The following ATRNL1 variants were observed in gnomAD, a reference collection of about 807,000 sequenced individuals.
ATRNL1 encodes attractin-like protein 1.
A neutral mutation model predicts 182.7 loss-of-function variants in ATRNL1; 95 were observed. The ratio of observed to expected loss-of-function variants is 0.52; its 90% confidence interval spans 0.44 to 0.62. The LOEUF (loss-of-function observed/expected upper bound fraction) is 0.62. Ranked by LOEUF, ATRNL1 falls within the 20% of genes least tolerant of loss-of-function variation. The probability of loss-of-function intolerance (pLI) is 0.00; values close to 1 mark genes in which losing one functional copy is unlikely to be tolerated. For synonymous variants in ATRNL1, 576 were observed against 568.3 expected, an observed-to-expected ratio of 1.01 and a Z score of -0.19; for missense variants, 1,471 against 1,679.5, an observed-to-expected ratio of 0.88 and a Z score of 2.17.
At chr10:115,385,284 A>G (rs1001370684) in intron 19 of ATRNL1, among the ~76,000 whole-genome samples, 21 of 152,056 alleles carry the variant, frequency 1.4e-4, no homozygotes, top group African/African-American at 4.8e-4. Flanking sequence ...ATTTACAATT[A>G]TATTTGTCTG....
chr10:115,579,836 G>A (rs1854959827), intron 26 of ATRNL1, among the ~76,000 whole-genome samples: 1 of 151,600 alleles, frequency 6.6e-6, no homozygotes, highest in Admixed American at 6.6e-5. Flanking sequence ...TTTATTGTTT[G>A]TATTGCTAGA....
In ATRNL1 at chr10:115,426,199, G is replaced by A. The variant is rs1443946220; in HGVS notation, c.3270-51G>A. 3.4e-6 allele frequency: 5 copies of A among 1,453,666 alleles called. No individual in the cohort carries two copies. The African/African-American group carries it at 7.0e-5, about 20-fold the overall frequency. The allele number at this position is 1,453,666 out of a possible 1,614,324, so 90.0% of individuals were successfully genotyped here. On this transcript the variant is annotated intron_variant, in intron 20 of 28. Coordinates refer to ENST00000355044, the MANE Select transcript of ATRNL1 (RefSeq NM_207303.4). ...CTTTTTTGCTTGAAGAAAAACATGA[G>A]GCTTTTGAATTGCATTGTTTAATAG...
chr10:115,676,030 A>G (rs1238585328), intron 26 of ATRNL1, among the ~76,000 whole-genome samples: 1 of 152,020 alleles, frequency 6.6e-6, no homozygotes, highest in Non-Finnish European at 1.5e-5. Flanking sequence ...TTTGCAAATC[A>G]ATCTATCTGG....
intron 26 of ATRNL1, among the ~76,000 whole-genome samples, chr10:115,612,736 C>G (rs36114529): frequency 6.6e-6 from 1 of 152,072 alleles, no homozygotes; most frequent in Non-Finnish European, 1.5e-5. Context: ...AAGAGACTTT[C>G]AGATGTTCTT....
intron 26 of ATRNL1, among the ~76,000 whole-genome samples, chr10:115,674,163 C>T (rs1324286860): frequency 6.6e-6 from 1 of 152,060 alleles, no homozygotes; most frequent in Non-Finnish European, 1.5e-5. Context: ...TGCACACACT[C>T]ACATTTTTTT....
intron 26 of ATRNL1, among the ~76,000 whole-genome samples, chr10:115,594,552 GC>G (rs1426252665): frequency 1.3e-5 from 2 of 152,166 alleles, no homozygotes; most frequent in Non-Finnish European, 2.9e-5. Flanking sequence ...TTTCACCCAG[GC>G]TGGAGTGCAG....
intron 8 of ATRNL1, among the ~76,000 whole-genome samples, chr10:115,181,005 C>T (rs939729610): frequency 6.6e-6 from 1 of 151,720 alleles, no homozygotes; most frequent in Non-Finnish European, 1.5e-5. Flanking sequence ...TGGCTATGTC[C>T]AATAAAACCT....
At chr10:115,391,622 T>G (rs1307171569) in intron 19 of ATRNL1, among the ~76,000 whole-genome samples, 2 of 58,510 alleles carry the variant, frequency 3.4e-5, no homozygotes, top group African/African-American at 2.6e-4. Flanking sequence ...ATTCAATGCA[T>G]TTTTTTTTTT....
At chr10:115,542,360 T>A (rs1158887566) in intron 25 of ATRNL1, among the ~76,000 whole-genome samples, 1 of 152,218 alleles carries the variant, frequency 6.6e-6, no homozygotes, top group South Asian at 2.1e-4. Context: ...ATTTTATTCT[T>A]TCCCAGCCTT....
chr10:115,853,232 CTT>C (rs1951098037), intron 28 of ATRNL1, among the ~76,000 whole-genome samples: 1 of 152,140 alleles, frequency 6.6e-6, no homozygotes, highest in Admixed American at 6.5e-5. Flanking sequence ...CATTGGGAAA[CTT>C]AATTTTCATA....
At chr10:115,264,804 T>C (rs2133878769) in intron 10 of ATRNL1, among the ~76,000 whole-genome samples, 1 of 151,812 alleles carries the variant, frequency 6.6e-6, no homozygotes, top group South Asian at 2.1e-4. Context: ...TTTGTATGCA[T>C]ACATGTCATA....
At chr10:115,253,371 T>C (rs1850964284) in intron 10 of ATRNL1, among the ~76,000 whole-genome samples, 1 of 152,150 alleles carries the variant, frequency 6.6e-6, no homozygotes, top group African/African-American at 2.4e-5. Flanking sequence ...GGGTGTGCCC[T>C]TGAGTGAAGT....
intron 21 of ATRNL1, among the ~76,000 whole-genome samples, chr10:115,446,614 AT>A (rs1251149691): frequency 6.6e-6 from 1 of 151,980 alleles, no homozygotes; most frequent in Non-Finnish European, 1.5e-5. Flanking sequence ...GCAAGTCAAA[AT>A]AATGTAAGAA....
chr10:115,850,232 T>A (rs1054339453), intron 28 of ATRNL1, among the ~76,000 whole-genome samples: 1 of 152,170 alleles, frequency 6.6e-6, no homozygotes, highest in Non-Finnish European at 1.5e-5. Context: ...AATACTGATA[T>A]TCATTATAAA....
At chr10:115,259,762 AT>A (rs1220224397) in intron 10 of ATRNL1, among the ~76,000 whole-genome samples, 1 of 151,590 alleles carries the variant, frequency 6.6e-6, no homozygotes, top group Admixed American at 6.6e-5. Context: ...GCCTCTCCAG[AT>A]TTTTTTTTGT....
At chr10:115,645,522 A>G (rs1478747985) in intron 26 of ATRNL1, among the ~76,000 whole-genome samples, 2 of 148,726 alleles carry the variant, frequency 1.3e-5, no homozygotes, top group Admixed American at 6.7e-5. Flanking sequence ...AAAAAAATAT[A>G]TATCCCTCTG....
chr10:115,769,014 T>C (rs1183296365), intron 27 of ATRNL1, among the ~76,000 whole-genome samples: 1 of 152,082 alleles, frequency 6.6e-6, no homozygotes. Context: ...TGAGAAAGTA[T>C]TCATTAATAA....
chr10:115,368,677 A>T (rs1446618637), intron 19 of ATRNL1, among the ~76,000 whole-genome samples: 1 of 151,932 alleles, frequency 6.6e-6, no homozygotes, highest in Non-Finnish European at 1.5e-5. Flanking sequence ...GCTCCTGGTA[A>T]ACATCATTCT....
rs574239648 is a variant in ATRNL1, at chr10:115,640,159, T to G, written c.3796-87089T>G. Among the ~76,000 whole-genome samples the G allele has an allele frequency of 3.3e-4, 51 of 152,344 alleles. 1 individual carries two copies. In the South Asian group the frequency reaches 9.9e-3, roughly 30 times the overall value. On this transcript the variant is annotated intron_variant, in intron 26 of 28. Coordinates refer to ENST00000355044, the MANE Select transcript of ATRNL1 (RefSeq NM_207303.4). ...CATGGCATATATGTGCCACATTTTCTTTATCCAGTCTATCACTGATGGGCA... is the reference window on the plus strand; with the variant it reads ...CATGGCATATATGTGCCACATTTTCGTTATCCAGTCTATCACTGATGGGCA...
Sources: gnomAD v4.1 joint callset for allele counts (sites outside exome capture counted in the v4.1 genomes callset) on GRCh38, gnomAD v4.1.1 for gene constraint, MANE v1.5 for transcripts, NCBI Gene and HGNC (gene_info 2026-07-23, HGNC 2026-07-21) for gene names.